IGF1R: variants seen among roughly 807,000 people sequenced by gnomAD.
IGF1R encodes the protein insulin-like growth factor 1 receptor.
A neutral mutation model predicts 144.6 loss-of-function variants in IGF1R; 44 were observed. The observed-to-expected ratio is 0.30, with a 90% CI of 0.24 to 0.39. IGF1R has a LOEUF of 0.39. Ranked by LOEUF, IGF1R falls within the 10% of genes least tolerant of loss-of-function variation. The pLI is 1.00. For synonymous variants in IGF1R, 795 were observed against 722.8 expected, an observed-to-expected ratio of 1.10 and a Z score of -1.60; for missense variants, 1,355 against 1,833.7, an observed-to-expected ratio of 0.74 and a Z score of 4.77.
intron 1 of IGF1R, among the ~76,000 whole-genome samples, chr15:98,684,329 T>C (rs2053267510): frequency 6.6e-6 from 1 of 151,234 alleles, no homozygotes; most frequent in African/African-American, 2.4e-5. Flanking sequence ...TATCATAATA[T>C]GCCACCTACT....
In IGF1R at chr15:98,899,585, A is replaced by C. The variant is rs774563955; in HGVS notation, c.1211A>C (p.Asn404Thr). 6.2e-7 allele frequency: 1 copy of C among 1,613,938 alleles called. No individual in the cohort carries two copies. Among genetic ancestry groups the C allele is most frequent in the Non-Finnish European group, 8.5e-7 (1 of 1,180,002 alleles). The part of the protein sequence containing the change: ...HALVSLSFLK[N>T]LRLILGEEQL... The stretch of plus-strand genomic sequence containing the variant: ...TTGGTCTCCTTGTCCTTCCTAAAAA[A>C]CCTTCGCCTCATCCTAGGAGAGGAG... The change falls in exon 5 of 21, where the codon AAC (asparagine) becomes ACC (threonine). Residue 404 changes from asparagine (N) to threonine (T), a missense_variant. This residue lies in a region of IGF1R where 880 missense variants were observed against 1,202.7 expected (regional missense o/e 0.73). Transcript: ENST00000650285.
rs143899757 is a variant in IGF1R, at chr15:98,697,738, T to C, written c.95-9824T>C. 1.3e-3 allele frequency among the ~76,000 whole-genome samples: 84 copies of C among 62,252 alleles called. No individual in the cohort carries two copies. The East Asian group carries it at 0.032, about 24-fold the overall frequency. The allele number at this position is 62,252 out of a possible 152,430, so 40.8% of individuals were successfully genotyped here. On this transcript the variant is annotated intron_variant, in intron 1 of 20. Coordinates refer to ENST00000650285, the MANE Select transcript of IGF1R (RefSeq NM_000875.5). ...AATACGTATGACATAAAACTTACCA[T>C]CTTAACTTTTTTTTATTGAGACAGG... is the stretch of plus-strand genomic sequence containing the variant.
At chr15:98,944,093 T>C (rs1286349034) in intron 19 of IGF1R, among the ~76,000 whole-genome samples, 2 of 152,178 alleles carry the variant, frequency 1.3e-5, no homozygotes, top group Non-Finnish European at 2.9e-5. Context: ...GTTTAGAGAT[T>C]GGGATGGTGA....
At chr15:98,754,596 G>A (rs1398152629) in intron 2 of IGF1R, among the ~76,000 whole-genome samples, 2 of 152,166 alleles carry the variant, frequency 1.3e-5, no homozygotes, top group African/African-American at 2.4e-5. Flanking sequence ...GCTGCGTTCC[G>A]AAGCAGCACA....
intron 6 of IGF1R, among the ~76,000 whole-genome samples, chr15:98,911,094 G>C (rs551403774): frequency 6.6e-6 from 1 of 152,194 alleles, no homozygotes; most frequent in Admixed American, 6.5e-5. Context: ...CAAGTAGCCA[G>C]CGTAACTGAT....
chr15:98,939,448 T>C, intron 18 of IGF1R, 88 bp downstream of exon 18: 4 of 1,266,938 alleles, frequency 3.2e-6, no homozygotes, highest in Non-Finnish European at 4.6e-6. Flanking sequence ...CTGGAGAGGT[T>C]TTCTAGTGTG....
chr15:98,897,531 T>C, intron 4 of IGF1R: 1 of 154,314 alleles, frequency 6.5e-6, no homozygotes, highest in Admixed American at 6.4e-5. Flanking sequence ...GATTTCCCAC[T>C]GACTTAGCCT....
Position 98,659,833 on chromosome 15 carries a change from G to A in IGF1R, c.94+10158G>A, listed in dbSNP as rs929538544. On this transcript the variant is annotated intron_variant, in intron 1 of 20. Transcript: ENST00000650285. ...TACCTTCCATTGCTCTATTTAAACA[G>A]GTAGTAACACTTTCATTCTCTTCTC... 4.6e-5 allele frequency among the ~76,000 whole-genome samples: 7 copies of A among 152,228 alleles called. No individual in the cohort carries two copies. The South Asian group carries it at 1.2e-3, about 27-fold the overall frequency.
chr15:98,917,869 A>G (rs1307496935), intron 10 of IGF1R, among the ~76,000 whole-genome samples: 1 of 152,186 alleles, frequency 6.6e-6, no homozygotes, highest in African/African-American at 2.4e-5. Context: ...TCCATAATCG[A>G]TAGGTTTTCT....
chr15:98,953,450 C>T (rs984590623), intron 20 of IGF1R, among the ~76,000 whole-genome samples: 1 of 152,138 alleles, frequency 6.6e-6, no homozygotes. Context: ...GCCCAGATCT[C>T]GGTATTTATG....
intron 15 of IGF1R, among the ~76,000 whole-genome samples, chr15:98,931,263 G>C (rs1434943208): frequency 6.6e-6 from 1 of 152,178 alleles, no homozygotes; most frequent in Non-Finnish European, 1.5e-5. Context: ...ATAAGTGCAT[G>C]ATGTTGAGTG....
At chr15:98,865,768 G>T (rs1365935905) in intron 2 of IGF1R, among the ~76,000 whole-genome samples, 1 of 152,252 alleles carries the variant, frequency 6.6e-6, no homozygotes, top group Non-Finnish European at 1.5e-5. Context: ...CAGTCATGCT[G>T]CCTCGCTGGG....
intron 15 of IGF1R, among the ~76,000 whole-genome samples, chr15:98,930,791 G>A (rs1056378566): frequency 6.6e-6 from 1 of 151,806 alleles, no homozygotes; most frequent in Non-Finnish European, 1.5e-5. Context: ...AGGGTCATAC[G>A]CTCGTGGCTC....
intron 2 of IGF1R, among the ~76,000 whole-genome samples, chr15:98,828,335 A>T (rs552392407): frequency 2.2e-4 from 34 of 152,234 alleles, no homozygotes; most frequent in Admixed American, 1.7e-3. Context: ...ACAAAAAGCC[A>T]CTGCAAGCCC....
intron 20 of IGF1R, among the ~76,000 whole-genome samples, chr15:98,953,769 A>G (rs999782414): frequency 6.9e-4 from 105 of 152,340 alleles, no homozygotes; most frequent in African/African-American, 2.5e-3. Context: ...AGTCTGAAAC[A>G]AACTTAGTGA....
At chr15:98,941,608 T>C (rs563060324) in intron 18 of IGF1R, among the ~76,000 whole-genome samples, 1 of 152,342 alleles carries the variant, frequency 6.6e-6, no homozygotes, top group South Asian at 2.1e-4. Context: ...GATAACACTT[T>C]CACACTTCAT....
At chr15:98,910,190 C>T (rs1170333103) in intron 6 of IGF1R, among the ~76,000 whole-genome samples, 2 of 152,158 alleles carry the variant, frequency 1.3e-5, no homozygotes, top group Admixed American at 6.5e-5. Flanking sequence ...CGACCAGCGC[C>T]GCCTCCCGCC....
At chr15:98,834,579 G>C (rs548161129) in intron 2 of IGF1R, among the ~76,000 whole-genome samples, 1 of 152,306 alleles carries the variant, frequency 6.6e-6, no homozygotes, top group East Asian at 1.9e-4. Flanking sequence ...GAAAGACACT[G>C]AACTCTGGGG....
At chr15:98,830,765 A>G (rs546534830) in intron 2 of IGF1R, among the ~76,000 whole-genome samples, 1 of 152,156 alleles carries the variant, frequency 6.6e-6, no homozygotes, top group South Asian at 2.1e-4. Context: ...CACCACACCC[A>G]GCTAATTTTT....
Sources: gnomAD v4.1 joint callset for allele counts (sites outside exome capture counted in the v4.1 genomes callset) on GRCh38, gnomAD v4.1.1 for gene constraint, gnomAD v4.1.1 regional missense constraint, MANE v1.5 for transcripts, NCBI Gene and HGNC (gene_info 2026-07-23, HGNC 2026-07-21) for gene names.